The following DST variants were observed in gnomAD, a reference collection of about 807,000 sequenced individuals.
DST encodes the protein dystonin, also known as bullous pemphigoid antigen.
In DST, 253 loss-of-function variants were observed where a neutral mutation model predicts 875.2. The observed-to-expected ratio is 0.29, with a 90% CI of 0.26 to 0.32. The LOEUF is 0.32. Among genes scored for constraint, DST ranks in the 10% least tolerant of loss-of-function variants. DST has a pLI of 1.00. For synonymous variants in DST, 3,124 were observed against 3,197.1 expected (o/e 0.98, Z 0.77); for missense variants, 8,287 against 9,111.6 (o/e 0.91, Z 3.68).
chr6:56,798,176 A>T (rs1045187940), intron 4 of DST, among the ~76,000 whole-genome samples: 2 of 152,240 alleles, frequency 1.3e-5, no homozygotes, highest in African/African-American at 4.8e-5. Flanking sequence ...CAATGTGGAC[A>T]AAACAGTCTT....
At chr6:56,934,560 T>TTATATTATATA (rs1554267211) in intron 2 of DST, among the ~76,000 whole-genome samples, 28 of 106,486 alleles carry the variant, frequency 2.6e-4, no homozygotes, top group African/African-American at 9.2e-4. Flanking sequence ...ATATATTATA[T>TTATATTATATA]TATATATATA....
At chr6:56,754,457 G>C (rs2099596700) in intron 4 of DST, among the ~76,000 whole-genome samples, 1 of 152,076 alleles carries the variant, frequency 6.6e-6, no homozygotes, top group Admixed American at 6.6e-5. Flanking sequence ...ATCTATCACA[G>C]GTCCTTGAGA....
chr6:56,610,328 A>C (rs2152717780), intron 39 of DST, 99 bp downstream of exon 39: 1 of 939,140 alleles, frequency 1.1e-6, no homozygotes, highest in Admixed American at 3.5e-5. Flanking sequence ...CTACGTACAA[A>C]ATTCAAGGTC....
rs775583832 is a variant in DST, at chr6:56,607,249, T to C, written c.7379A>G (p.Asn2460Ser). ...SFNDTHTPES[N>S]GNKCEAPALS... ...GGCTGGGGCTTCACACTTATTTCCA[T>C]TGCTCTCTGGGGTGTGTGTATCATT... Residue 2460 changes from asparagine (N) to serine (S), a missense_variant, in exon 40 of 104, where the codon AAT (asparagine) becomes AGT (serine). This residue lies in a region of DST where 3,138 missense variants were observed against 3,116.6 expected (regional missense o/e 1.01). Transcript: ENST00000680361. 3.7e-6 allele frequency: 6 copies of C among 1,613,438 alleles called. No individual in the cohort carries two copies. The highest frequency in any genetic ancestry group is 1.3e-5 in the African/African-American group (1 of 74,876).
chr6:56,776,760 C>T (rs1224178890), intron 4 of DST, among the ~76,000 whole-genome samples: 2 of 152,060 alleles, frequency 1.3e-5, no homozygotes, highest in South Asian at 2.1e-4. Context: ...AAACTCTACA[C>T]CTAAATTATT....
chr6:56,868,981 G>A lies in DST; in HGVS notation c.418-17377C>T, dbSNP rs752420951. Among the ~76,000 whole-genome samples, 12 of 152,294 alleles carry A rather than the reference G, an allele frequency of 7.9e-5. No homozygotes were observed. The Middle Eastern group carries it at 0.014, about 173-fold the overall frequency. ...TAAGAAACAATTGGCTAAATGTACT[G>A]CACAGCCCTACATAGAAATGAAATT... On this transcript the variant is annotated intron_variant, in intron 3 of 103. Coordinates refer to ENST00000680361, the MANE Select transcript of DST (RefSeq NM_001374736.1).
At chr6:56,919,295 C>T (rs986136104) in intron 2 of DST, among the ~76,000 whole-genome samples, 3 of 151,952 alleles carry the variant, frequency 2.0e-5, no homozygotes, top group African/African-American at 7.3e-5. Context: ...TCTCCTATAC[C>T]TTCTATTTTT....
rs1562459436 is a variant in DST, at chr6:56,509,802, A to G, written c.18852T>C (p.Ser6284=). Residue 6284 remains serine, a synonymous_variant, in exon 74 of 104, where the codon TCT becomes TCC. Coordinates refer to ENST00000680361, the MANE Select transcript of DST (RefSeq NM_001374736.1). Reference sequence around the variant, plus strand: ...TGATCTTCTCAACCTCTGCAGAGATAGAGGGTGGCTGCCTCAGACGTTCCA... The same window carrying G: ...TGATCTTCTCAACCTCTGCAGAGATGGAGGGTGGCTGCCTCAGACGTTCCA... The part of the protein sequence containing the change: ...RIVERLRQPP[S]ISAEVEKIKE... The G allele has an allele frequency of 6.2e-7, 1 of 1,613,676 alleles. No homozygotes were observed. Among genetic ancestry groups the G allele is most frequent in the Non-Finnish European group, 8.5e-7 (1 of 1,179,712 alleles).
At chr6:56,706,111 C>T (rs2099332979) in intron 5 of DST, among the ~76,000 whole-genome samples, 1 of 152,124 alleles carries the variant, frequency 6.6e-6, no homozygotes, top group Admixed American at 6.5e-5. Flanking sequence ...GTCAGGAGTT[C>T]GAGACCAGCC....
chr6:56,695,458 C>T (rs966830066), intron 9 of DST, among the ~76,000 whole-genome samples: 1 of 152,288 alleles, frequency 6.6e-6, no homozygotes, highest in East Asian at 1.9e-4. Flanking sequence ...ACACTGCTAC[C>T]TCTCCCAGAA....
intron 5 of DST, among the ~76,000 whole-genome samples, chr6:56,709,725 C>A (rs1056473347): frequency 3.9e-5 from 6 of 152,224 alleles, no homozygotes; most frequent in African/African-American, 1.4e-4. Flanking sequence ...CCTCTTGAAG[C>A]CTGTAATCTG....
chr6:56,716,952 C>A (rs984820570), intron 5 of DST, among the ~76,000 whole-genome samples: 1 of 152,030 alleles, frequency 6.6e-6, no homozygotes, highest in Non-Finnish European at 1.5e-5. Flanking sequence ...GAGGCCAAGG[C>A]GGGCGGATCA....
chr6:56,856,207 G>A lies in DST; in HGVS notation c.418-4603C>T, dbSNP rs376469006. On this transcript the variant is annotated intron_variant, in intron 3 of 103. Transcript: ENST00000680361. Reference sequence around the variant, plus strand: ...GAACTGAACAATAACTTCTTTAACTGAAACCCCGGTGGGGGATCTGAGATA... The same window carrying A: ...GAACTGAACAATAACTTCTTTAACTAAAACCCCGGTGGGGGATCTGAGATA... Among the ~76,000 whole-genome samples the A allele has an allele frequency of 5.3e-5, 8 of 152,280 alleles. No homozygotes were observed. The East Asian group carries it at 1.5e-3, about 29-fold the overall frequency.
At chr6:56,692,882 CAG>C in intron 9 of DST, 1 of 1,289,830 alleles carries the variant, frequency 7.8e-7, no homozygotes, top group Non-Finnish European at 1.0e-6. Flanking sequence ...TCTCCCAGTG[CAG>C]AGTTTAGGGT....
In DST at chr6:56,466,283, C is replaced by T. The variant is rs1032627585; in HGVS notation, c.22570-88G>A. 7 of 863,836 alleles carry T rather than the reference C, an allele frequency of 8.1e-6. No individual in the cohort carries two copies. In the African/African-American group the frequency reaches 1.2e-4, roughly 15 times the overall value. 53.5% of individuals were successfully genotyped at this position (863,836 alleles called of 1,614,324 possible). The stretch of plus-strand genomic sequence containing the variant: ...GTGCAATTTGCAGTAGCTAAAGCAA[C>T]CGACTTTAATTTCTTGCTTAGTTCA... On this transcript the variant is annotated intron_variant, in intron 98 of 103. Coordinates refer to ENST00000680361, the MANE Select transcript of DST (RefSeq NM_001374736.1).
At chr6:56,842,832 C>T (rs2099801964) in intron 4 of DST, among the ~76,000 whole-genome samples, 1 of 152,154 alleles carries the variant, frequency 6.6e-6, no homozygotes, top group African/African-American at 2.4e-5. Flanking sequence ...CTTCCCCCCT[C>T]TCTACCGCTC....
chr6:56,938,108 C>CTATATATATATA (rs3031114), intron 2 of DST, among the ~76,000 whole-genome samples: 4 of 120,726 alleles, frequency 3.3e-5, no homozygotes, highest in African/African-American at 1.4e-4. Context: ...CTCTCTCTCT[C>CTATATATATATA]TATATATATA....
intron 49 of DST, among the ~76,000 whole-genome samples, chr6:56,585,142 T>G (rs1245442747): frequency 1.3e-5 from 2 of 152,238 alleles, no homozygotes; most frequent in African/African-American, 4.8e-5. Flanking sequence ...TCTTTTTCTA[T>G]TGATTGGACT....
At chr6:56,684,838 G>A (rs746219592) in intron 9 of DST, among the ~76,000 whole-genome samples, 1 of 152,112 alleles carries the variant, frequency 6.6e-6, no homozygotes, top group Non-Finnish European at 1.5e-5. Flanking sequence ...GAGCTTCTCG[G>A]CTTCTATACT....
Sources: gnomAD v4.1 joint callset for allele counts (sites outside exome capture counted in the v4.1 genomes callset) on GRCh38, gnomAD v4.1.1 for gene constraint, gnomAD v4.1.1 regional missense constraint, MANE v1.5 for transcripts, NCBI Gene and HGNC (gene_info 2026-07-23, HGNC 2026-07-21) for gene names.